The following CORO7 variants were observed in gnomAD, a reference collection of about 807,000 sequenced individuals.
CORO7 encodes the protein coronin-7.
In CORO7, 107 loss-of-function variants were observed where a neutral mutation model predicts 126.6. That is an observed-to-expected ratio of 0.85 (90% CI 0.72 to 0.99). The LOEUF is 0.99. Ranked by LOEUF, CORO7 falls within the 50% of genes least tolerant of loss-of-function variation. The pLI is 0.00. For synonymous variants in CORO7, 603 were observed against 536.8 expected (o/e 1.12, Z -1.70); for missense variants, 1,314 against 1,255.8 (o/e 1.05, Z -0.70).
chr16:4,374,261 G>C (rs1475263019), intron 9 of CORO7, among the ~76,000 whole-genome samples: 1 of 152,086 alleles, frequency 6.6e-6, no homozygotes, highest in Admixed American at 6.5e-5. Context: ...TCCTTTTATC[G>C]GTTTCCACAT....
At chr16:4,399,899 A>G (rs1324493888) in intron 6 of CORO7, among the ~76,000 whole-genome samples, 1 of 152,218 alleles carries the variant, frequency 6.6e-6, no homozygotes, top group Non-Finnish European at 1.5e-5. Flanking sequence ...ATTTAAAAAA[A>G]TAGCTATTAG....
chr16:4,388,463 T>G, intron 8 of CORO7, 82 bp downstream of exon 8: 1 of 1,476,614 alleles, frequency 6.8e-7, no homozygotes. Flanking sequence ...GTCCCCCGCC[T>G]CCCATTGGTT....
chr16:4,409,512 C>G (rs930669424), intron 3 of CORO7, among the ~76,000 whole-genome samples: 11 of 152,250 alleles, frequency 7.2e-5, no homozygotes, highest in African/African-American at 2.7e-4. Flanking sequence ...ACGCAGGGAC[C>G]TCACTGAATC....
chr16:4,403,437 G>A (rs1000510225), intron 6 of CORO7, among the ~76,000 whole-genome samples: 2 of 152,114 alleles, frequency 1.3e-5, no homozygotes, highest in African/African-American at 4.8e-5. Context: ...CTGCGTCCCC[G>A]CAGGCGGAAT....
intron 25 of CORO7, chr16:4,357,756 T>C: frequency 1.3e-6 from 1 of 748,318 alleles, no homozygotes; most frequent in Non-Finnish European, 2.1e-6. Flanking sequence ...TGTGTGCGTG[T>C]GTGTGTGTGT....
At chr16:4,369,679 C>T (rs1472244178) in intron 9 of CORO7, among the ~76,000 whole-genome samples, 1 of 152,176 alleles carries the variant, frequency 6.6e-6, no homozygotes, top group African/African-American at 2.4e-5. Context: ...CAAGGAGCAG[C>T]TGCAAGGCTC....
At chr16:4,359,041 T>G in intron 23 of CORO7, 1 of 534,638 alleles carries the variant, frequency 1.9e-6, no homozygotes, top group South Asian at 2.4e-5. Context: ...CCTTCCGAAG[T>G]GTTGGGATTC....
intron 9 of CORO7, chr16:4,381,442 C>T (rs201669355): frequency 2.5e-6 from 4 of 1,580,156 alleles, no homozygotes; most frequent in East Asian, 2.3e-5. Context: ...GCCCGGCATC[C>T]TGGACACTGC....
intron 19 of CORO7, 79 bp from the exon 20 acceptor site, chr16:4,360,627 C>G: frequency 6.6e-7 from 1 of 1,507,160 alleles, no homozygotes; most frequent in African/African-American, 1.4e-5. Flanking sequence ...TGCCCCTCCT[C>G]ACTGCTGGCG....
chr16:4,372,555 C>T (rs2054574456), intron 9 of CORO7, among the ~76,000 whole-genome samples: 1 of 152,162 alleles, frequency 6.6e-6, no homozygotes, highest in African/African-American at 2.4e-5. Flanking sequence ...CTGGCCAGGG[C>T]CCTTAGAGCT....
chr16:4,383,008 G>A (rs1292332685), intron 9 of CORO7: 4 of 1,212,044 alleles, frequency 3.3e-6, no homozygotes, highest in Non-Finnish European at 3.4e-6. Context: ...GGGGATGTGT[G>A]CAGACAGGGC....
chr16:4,371,219 G>C (rs1567261039), intron 9 of CORO7, among the ~76,000 whole-genome samples: 1 of 152,226 alleles, frequency 6.6e-6, no homozygotes, highest in African/African-American at 2.4e-5. Context: ...GTGGGGAAGA[G>C]AGTCCAGGGC....
rs1057200048 is a variant in CORO7, at chr16:4,366,671, G to A, written c.786-1126C>T. 2.0e-5 allele frequency among the ~76,000 whole-genome samples: 3 copies of A among 151,648 alleles called. 1 individual carries two copies. Among genetic ancestry groups the A allele is most frequent in the South Asian group, 4.2e-4 (2 of 4,818 alleles). The stretch of plus-strand genomic sequence containing the variant: ...ATCTTCCCACTCAGCCTCCAGAGTA[G>A]CTGGGACTACAGGTGTGCACCACCA... On this transcript the variant is annotated intron_variant, in intron 9 of 27. Coordinates refer to ENST00000251166, the MANE Select transcript of CORO7 (RefSeq NM_024535.5).
At chr16:4,355,203 G>A (rs192507626) in intron 27 of CORO7, 40 bp from the exon 28 acceptor site, 1 of 1,578,692 alleles carries the variant, frequency 6.3e-7, no homozygotes, top group Non-Finnish European at 8.6e-7. Flanking sequence ...AGTCAGGAGG[G>A]CCTGGGAAGG....
chr16:4,361,736 C>G, intron 16 of CORO7: 9 of 803,620 alleles, frequency 1.1e-5, no homozygotes, highest in Non-Finnish European at 1.9e-5. Context: ...CGGATCCCAG[C>G]TCCACCACTT....
chr16:4,367,826 G>A (rs2054395282), intron 9 of CORO7, among the ~76,000 whole-genome samples: 1 of 152,118 alleles, frequency 6.6e-6, no homozygotes, highest in Admixed American at 6.5e-5. Context: ...AGACGGGAAG[G>A]GGCCTGGTGC....
intron 23 of CORO7, 93 bp from the exon 24 acceptor site, chr16:4,358,576 G>GACCA: frequency 1.6e-6 from 2 of 1,222,636 alleles, no homozygotes; most frequent in Non-Finnish European, 2.2e-6. Flanking sequence ...CCTCACTTAG[G>GACCA]ACCACCATGC....
chr16:4,369,638 C>T (rs1333588710), intron 9 of CORO7, among the ~76,000 whole-genome samples: 1 of 152,166 alleles, frequency 6.6e-6, no homozygotes, highest in African/African-American at 2.4e-5. Context: ...GTGATTAGCA[C>T]CGAGGGGAAG....
At chr16:4,403,733 C>T (rs999455139) in intron 6 of CORO7, among the ~76,000 whole-genome samples, 64 of 152,314 alleles carry the variant, frequency 4.2e-4, no homozygotes, top group African/African-American at 1.5e-3. Flanking sequence ...GGCTCGGACC[C>T]CCAGGAGGAG....
Sources: gnomAD v4.1 joint callset for allele counts (sites outside exome capture counted in the v4.1 genomes callset) on GRCh38, gnomAD v4.1.1 for gene constraint, MANE v1.5 for transcripts, NCBI Gene and HGNC (gene_info 2026-07-23, HGNC 2026-07-21) for gene names.